Variants in ARPP21 observed in about 807,000 individuals in gnomAD.
ARPP21 encodes cAMP-regulated phosphoprotein 21.
A neutral mutation model predicts 113.2 loss-of-function variants in ARPP21; 69 were observed. The ratio of observed to expected loss-of-function variants is 0.61; its 90% CI spans 0.50 to 0.74. ARPP21 has a LOEUF of 0.74. Ranked by LOEUF, ARPP21 falls within the 30% of genes least tolerant of loss-of-function variation. The probability of loss-of-function intolerance (pLI) is 0.00; values close to 1 mark genes in which losing one functional copy is unlikely to be tolerated. For missense variants in ARPP21, 1,070 were observed against 1,037.4 expected, an observed-to-expected ratio of 1.03 and a Z score of -0.43; for synonymous variants, 368 against 375.5, an observed-to-expected ratio of 0.98 and a Z score of 0.23.
chr3:35,677,459 G>A (rs540857681), intron 1 of ARPP21, among the ~76,000 whole-genome samples: 15 of 151,992 alleles, frequency 9.9e-5, no homozygotes, highest in Middle Eastern at 3.4e-3. Context: ...AAGAAACAGC[G>A]TGAATATAAA....
chr3:35,704,534 T>C (rs1477793008), intron 9 of ARPP21, among the ~76,000 whole-genome samples: 1 of 151,916 alleles, frequency 6.6e-6, no homozygotes, highest in African/African-American at 2.4e-5. Flanking sequence ...AACAAAAACA[T>C]TTGTTTTTGT....
chr3:35,730,269 T>C (rs1019043854), intron 15 of ARPP21, among the ~76,000 whole-genome samples: 1 of 152,230 alleles, frequency 6.6e-6, no homozygotes, highest in African/African-American at 2.4e-5. Context: ...GATTCTAACA[T>C]CAGCCAATGA....
At chr3:35,676,745 G>A (rs2149395254) in intron 1 of ARPP21, among the ~76,000 whole-genome samples, 1 of 151,914 alleles carries the variant, frequency 6.6e-6, no homozygotes, top group Non-Finnish European at 1.5e-5. Context: ...TCTATTCATG[G>A]CGTTGTTGCT....
chr3:35,652,419 A>T, intron 1 of ARPP21, among the ~76,000 whole-genome samples: 1 of 152,152 alleles, frequency 6.6e-6, no homozygotes, highest in East Asian at 1.9e-4. Context: ...AGAGAGCTCT[A>T]AAATCAATTT....
At chr3:35,686,899 C>A (rs1297880817) in intron 5 of ARPP21, among the ~76,000 whole-genome samples, 1 of 151,412 alleles carries the variant, frequency 6.6e-6, no homozygotes, top group African/African-American at 2.4e-5. Flanking sequence ...ACAAAATAAT[C>A]TATTTTCAGT....
At chr3:35,642,967 C>A (rs1483666943) in intron 1 of ARPP21, among the ~76,000 whole-genome samples, 2 of 152,056 alleles carry the variant, frequency 1.3e-5, no homozygotes, top group Admixed American at 6.5e-5. Flanking sequence ...GTAGCAGAGG[C>A]AGCACTGGTA....
intron 1 of ARPP21, among the ~76,000 whole-genome samples, chr3:35,664,833 G>A (rs1709483752): frequency 6.6e-6 from 1 of 152,274 alleles, no homozygotes; most frequent in Admixed American, 6.5e-5. Context: ...CTGCTGCTCT[G>A]TTCTCTGAGC....
At chr3:35,759,820 G>A (rs1050000788) in intron 19 of ARPP21, among the ~76,000 whole-genome samples, 4 of 151,896 alleles carry the variant, frequency 2.6e-5, no homozygotes, top group Admixed American at 6.6e-5. Flanking sequence ...ATTTGCCAAT[G>A]TCTGCCCATT....
chr3:35,648,990 C>T (rs1559509152), intron 1 of ARPP21, among the ~76,000 whole-genome samples: 1 of 152,128 alleles, frequency 6.6e-6, no homozygotes. Context: ...TTGCTAGAGT[C>T]GACATGCTTA....
Position 35,715,390 on chromosome 3 carries a change from C to T in ARPP21, c.898-49C>T, listed in dbSNP as rs536892181. 138 of 1,535,544 alleles carry T rather than the reference C, an allele frequency of 9.0e-5. 1 individual carries two copies. The South Asian group carries it at 1.3e-3, about 15-fold the overall frequency. ...AAAATCAGGCAAGTATTTGGGATCC[C>T]TCAGCATATCCAGAACTTCTGATCC... On this transcript the variant is annotated intron_variant, in intron 11 of 20. Transcript: ENST00000684406.
intron 19 of ARPP21, among the ~76,000 whole-genome samples, chr3:35,760,331 A>G (rs2095720714): frequency 6.6e-6 from 1 of 151,982 alleles, no homozygotes; most frequent in Non-Finnish European, 1.5e-5. Context: ...TGAAGACTGG[A>G]TACTTGAATT....
chr3:35,752,199 G>A (rs1029287543), intron 19 of ARPP21, among the ~76,000 whole-genome samples: 1 of 151,914 alleles, frequency 6.6e-6, no homozygotes, highest in Non-Finnish European at 1.5e-5. Flanking sequence ...GTCAGGGAAT[G>A]TATATCCTGT....
chr3:35,766,810 T>G (rs1378623312), intron 19 of ARPP21, among the ~76,000 whole-genome samples: 4 of 152,036 alleles, frequency 2.6e-5, no homozygotes, highest in African/African-American at 9.7e-5. Context: ...AAAATACAAT[T>G]AAGAAGCTCA....
chr3:35,713,953 T>C (rs192902136), intron 11 of ARPP21, among the ~76,000 whole-genome samples: 1 of 152,306 alleles, frequency 6.6e-6, no homozygotes, highest in Admixed American at 6.5e-5. Context: ...TCGCTTTCTT[T>C]TACATACCTT....
chr3:35,686,939 A>G (rs2080798547), intron 5 of ARPP21, among the ~76,000 whole-genome samples: 1 of 151,540 alleles, frequency 6.6e-6, no homozygotes, highest in East Asian at 1.9e-4. Context: ...AAGTGGATCC[A>G]GTCCCAATGC....
intron 15 of ARPP21, among the ~76,000 whole-genome samples, chr3:35,731,783 C>T (rs1051318474): frequency 1.2e-4 from 19 of 152,158 alleles, no homozygotes; most frequent in African/African-American, 4.3e-4. Flanking sequence ...CTAGAAACTA[C>T]ACCTCTCACC....
At chr3:35,732,281 A>G (rs538221923) in intron 15 of ARPP21, among the ~76,000 whole-genome samples, 1 of 152,208 alleles carries the variant, frequency 6.6e-6, no homozygotes, top group Non-Finnish European at 1.5e-5. Flanking sequence ...CTAAGTACTA[A>G]ATATTTGGCA....
At position 35,663,197 on chromosome 3, in the gene ARPP21, G is replaced by A. The variant is rs141928231; in HGVS notation, c.-212-16590G>A. ...ATGCCTAGAGCAGACGTATCTAAAT[G>A]CTTACCCCAGAATTGAATAAAAATT... On this transcript the variant is annotated intron_variant, in intron 1 of 20. Transcript: ENST00000684406. Among the ~76,000 whole-genome samples, 637 of 152,134 alleles carry A rather than the reference G, an allele frequency of 4.2e-3. 6 individuals are homozygous for A. Among genetic ancestry groups the A allele is most frequent in the African/African-American group, 0.015 (602 of 41,510 alleles).
intron 19 of ARPP21, among the ~76,000 whole-genome samples, chr3:35,784,422 T>C (rs1010707149): frequency 6.6e-6 from 1 of 152,202 alleles, no homozygotes; most frequent in Non-Finnish European, 1.5e-5. Context: ...TCAGCGCTTT[T>C]GTTTTTCAGA....
Sources: allele counts gnomAD v4.1 joint callset (sites outside exome capture counted in the v4.1 genomes callset), GRCh38; gene constraint gnomAD v4.1.1; transcripts MANE v1.5; gene names NCBI Gene and HGNC (gene_info 2026-07-23, HGNC 2026-07-21).